MTUS1: variants seen among roughly 807,000 people sequenced by gnomAD.
MTUS1 encodes the protein microtubule associated scaffold protein 1.
MTUS1 carries 109 observed loss-of-function variants against 120.8 expected under a neutral mutation model. That is an observed-to-expected ratio of 0.90 (90% confidence interval 0.77 to 1.06). MTUS1 has a LOEUF of 1.06. MTUS1 is among the 50% of genes least tolerant of loss of function. The pLI, the probability that MTUS1 is intolerant of heterozygous loss-of-function variation, is 0.00. For synonymous variants in MTUS1, 737 were observed against 550.5 expected (o/e 1.34, Z -4.74); for missense variants, 2,210 against 1,486.3 (o/e 1.49, Z -8.01).
intron 7 of MTUS1, among the ~76,000 whole-genome samples, chr8:17,675,494 G>A (rs1220873746): frequency 1.3e-5 from 2 of 152,168 alleles, no homozygotes; most frequent in East Asian, 1.9e-4. Context: ...GCAGTGAATG[G>A]CCCATTTAGA....
chr8:17,788,426 G>A (rs965849318), intron 1 of MTUS1, among the ~76,000 whole-genome samples: 1 of 152,150 alleles, frequency 6.6e-6, no homozygotes, highest in Non-Finnish European at 1.5e-5. Flanking sequence ...AAATGTTGAC[G>A]ATAGCTACTA....
intron 1 of MTUS1, among the ~76,000 whole-genome samples, chr8:17,774,528 C>T (rs574939940): frequency 2.0e-5 from 3 of 152,220 alleles, no homozygotes; most frequent in South Asian, 4.2e-4. Context: ...TAGTCTTTAG[C>T]GAGATGCAAA....
Position 17,697,253 on chromosome 8 carries a change from A to C in MTUS1, c.2624-12711T>G, listed in dbSNP as rs755255928. 4.3e-6 allele frequency: 7 copies of C among 1,613,140 alleles called. No homozygotes were observed. In the South Asian group the frequency reaches 6.6e-5, roughly 15 times the overall value. Reference sequence around the variant, plus strand: ...CACTAAACAGAGATCTATGCGAGACAGACCTGTGTGGAAAACAACAGTGCT... The same window carrying C: ...CACTAAACAGAGATCTATGCGAGACCGACCTGTGTGGAAAACAACAGTGCT... On this transcript the variant is annotated intron_variant, in intron 6 of 14. Coordinates refer to ENST00000693296, the MANE Select transcript of MTUS1 (RefSeq NM_001363059.2).
rs1173610821 is a variant in MTUS1, at chr8:17,774,849, CT to C, written c.-154-18889del. On this transcript the variant is annotated intron_variant, in intron 1 of 14. Coordinates refer to ENST00000693296, the MANE Select transcript of MTUS1 (RefSeq NM_001363059.2). ...CCATCAAAGGTGTCAGTGGCCACCA[CT>C]GACAGATGAGTGGATAAACAAAATG... is the stretch of plus-strand genomic sequence containing the variant. Among the ~76,000 whole-genome samples, 3 of 151,586 alleles carry C rather than the reference CT, an allele frequency of 2.0e-5. No homozygotes were observed. The East Asian group carries it at 5.8e-4, about 29-fold the overall frequency.
At chr8:17,676,108 A>G in intron 7 of MTUS1, 2 of 602,186 alleles carry the variant, frequency 3.3e-6, no homozygotes, top group South Asian at 4.0e-5. Context: ...GGATCACCCA[A>G]GACGGAGCTC....
At chr8:17,760,137 G>T (rs1423471162) in intron 1 of MTUS1, among the ~76,000 whole-genome samples, 1 of 150,850 alleles carries the variant, frequency 6.6e-6, no homozygotes, top group African/African-American at 2.4e-5. Flanking sequence ...GATCACCTGG[G>T]CCCAGTAGTT....
Position 17,652,415 on chromosome 8 carries a change from C to T in MTUS1, c.3384+771G>A, listed in dbSNP as rs993706480. Reference sequence around the variant, plus strand: ...AAAGGACCACATGTTCTACAATCAACCTTTTCTATTCATTCCTCAGAATAA... The same window carrying T: ...AAAGGACCACATGTTCTACAATCAATCTTTTCTATTCATTCCTCAGAATAA... On this transcript the variant is annotated intron_variant, in intron 12 of 14. Coordinates refer to ENST00000693296, the MANE Select transcript of MTUS1 (RefSeq NM_001363059.2). Among the ~76,000 whole-genome samples, 4 of 152,284 alleles carry T rather than the reference C, an allele frequency of 2.6e-5. No individual in the cohort carries two copies. The South Asian group carries it at 6.2e-4, about 24-fold the overall frequency.
At chr8:17,664,240 G>T (rs1810403655) in intron 8 of MTUS1, among the ~76,000 whole-genome samples, 1 of 152,036 alleles carries the variant, frequency 6.6e-6, no homozygotes, top group East Asian at 1.9e-4. Flanking sequence ...GACATTATAC[G>T]CAATAGAATT....
In MTUS1 at chr8:17,755,306, C is replaced by G. The variant is rs1462869958; in HGVS notation, c.502G>C (p.Val168Leu). 1.9e-6 allele frequency: 3 copies of G among 1,614,084 alleles called. No individual in the cohort carries two copies. Among genetic ancestry groups the G allele is most frequent in the Admixed American group, 1.7e-5 (1 of 60,010 alleles). Residue 168 changes from valine to leucine, a missense_variant, in exon 2 of 15, where the codon GTT (valine) becomes CTT (leucine). Val to Leu is a conservative substitution (Grantham distance 32, BLOSUM62 1). Coordinates refer to ENST00000693296, the MANE Select transcript of MTUS1 (RefSeq NM_001363059.2). ...NQTFDMTVDKVNCTFISHHAI... is the reference protein window; with the variant it reads ...NQTFDMTVDKLNCTFISHHAI... ...TGATGTGATATAAAGGTGCAGTTAA[C>G]TTTATCCACTGTCATGTCAAATGTT...
chr8:17,718,633 T>A (rs548728646), intron 4 of MTUS1, among the ~76,000 whole-genome samples: 1 of 151,846 alleles, frequency 6.6e-6, no homozygotes, highest in African/African-American at 2.4e-5. Context: ...TACATAAAAT[T>A]TTTCATGTGG....
chr8:17,721,338 G>C (rs1290212588), intron 4 of MTUS1, among the ~76,000 whole-genome samples: 1 of 152,136 alleles, frequency 6.6e-6, no homozygotes, highest in African/African-American at 2.4e-5. Flanking sequence ...ATAAAGATGT[G>C]ATGTTTCCAT....
chr8:17,680,319 C>T (rs1814100745), intron 7 of MTUS1, among the ~76,000 whole-genome samples: 1 of 151,960 alleles, frequency 6.6e-6, no homozygotes, highest in African/African-American at 2.4e-5. Context: ...CAAAAATTAT[C>T]TGGGTATGGT....
intron 1 of MTUS1, among the ~76,000 whole-genome samples, chr8:17,792,379 C>T (rs2051865611): frequency 6.6e-6 from 1 of 152,146 alleles, no homozygotes; most frequent in Non-Finnish European, 1.5e-5. Context: ...AATGTTCAGC[C>T]TAATAAGCTG....
At chr8:17,717,668 A>G (rs933985686) in intron 4 of MTUS1, among the ~76,000 whole-genome samples, 1 of 152,194 alleles carries the variant, frequency 6.6e-6, no homozygotes, top group Non-Finnish European at 1.5e-5. Context: ...CACGGTTCAC[A>G]AAGAGATCAG....
chr8:17,736,294 A>G (rs937209130), intron 3 of MTUS1, among the ~76,000 whole-genome samples: 2 of 152,244 alleles, frequency 1.3e-5, no homozygotes, highest in Non-Finnish European at 2.9e-5. Context: ...AGGCACCTGC[A>G]TGGCCCTGCT....
rs189624115 is a variant in MTUS1 at position 17,672,418 on chromosome 8, G to C, written c.2905+2768C>G. On this transcript the variant is annotated intron_variant, in intron 8 of 14. Transcript: ENST00000693296. ...AAAGTGACTTGTCCTAAGTCACTCA[G>C]TTACCACAAATGTGGCCCCGGACAG... is the stretch of plus-strand genomic sequence containing the variant. Among the ~76,000 whole-genome samples the C allele has an allele frequency of 4.9e-3, 749 of 152,266 alleles. 28 individuals carry two copies. Among genetic ancestry groups the C allele is most frequent in the Admixed American group, 0.046 (708 of 15,294 alleles).
chr8:17,771,940 C>G (rs1430944265), intron 1 of MTUS1, among the ~76,000 whole-genome samples: 3 of 152,192 alleles, frequency 2.0e-5, no homozygotes, highest in African/African-American at 4.8e-5. Flanking sequence ...ACACCACATT[C>G]TATGGACAGA....
At chr8:17,736,140 A>G (rs1283042626) in intron 3 of MTUS1, among the ~76,000 whole-genome samples, 2 of 152,248 alleles carry the variant, frequency 1.3e-5, no homozygotes, top group Non-Finnish European at 2.9e-5. Flanking sequence ...GCACTGTGAC[A>G]TATTAAGCCT....
intron 8 of MTUS1, among the ~76,000 whole-genome samples, chr8:17,666,090 C>CTTTT (rs57062684): frequency 1.8e-5 from 2 of 111,100 alleles, no homozygotes; most frequent in Non-Finnish European, 3.6e-5. Flanking sequence ...AGAACAGATG[C>CTTTT]TTTTTTTTTT....
Sources: gnomAD v4.1 joint callset for allele counts (sites outside exome capture counted in the v4.1 genomes callset) on GRCh38, gnomAD v4.1.1 for gene constraint, MANE v1.5 for transcripts, NCBI Gene and HGNC (gene_info 2026-07-23, HGNC 2026-07-21) for gene names.